Variants in FOXN3 observed in about 807,000 individuals in gnomAD.
The protein encoded by FOXN3 is forkhead box protein N3.
In FOXN3, 7 loss-of-function variants were observed where a neutral mutation model predicts 38.4. That is an observed-to-expected ratio of 0.18 (90% CI 0.10 to 0.34). FOXN3 has a LOEUF of 0.34. FOXN3 is among the 10% of genes least tolerant of loss of function. FOXN3 has a pLI of 1.00. For missense variants in FOXN3, 456 were observed against 613.4 expected (o/e 0.74, Z 2.71); for synonymous variants, 230 against 242.2 (o/e 0.95, Z 0.47).
intron 4 of FOXN3, among the ~76,000 whole-genome samples, chr14:89,256,098 A>G (rs930374773): frequency 6.6e-6 from 1 of 152,198 alleles, no homozygotes; most frequent in African/African-American, 2.4e-5. Context: ...CCAGCGGGTC[A>G]GAATGAGTGT....
At chr14:89,542,597 CT>C (rs1894812851) in intron 1 of FOXN3, among the ~76,000 whole-genome samples, 1 of 152,328 alleles carries the variant, frequency 6.6e-6, no homozygotes, top group East Asian at 1.9e-4. Flanking sequence ...CTTTCTGCAT[CT>C]TTTCTACATT....
intron 4 of FOXN3, among the ~76,000 whole-genome samples, chr14:89,274,603 T>C (rs1227033015): frequency 2.0e-5 from 3 of 152,182 alleles, no homozygotes; most frequent in Non-Finnish European, 4.4e-5. Flanking sequence ...GTCAGAGAGC[T>C]GGTGCCCAGA....
At chr14:89,254,900 C>A (rs56178354) in intron 4 of FOXN3, among the ~76,000 whole-genome samples, 29,615 of 152,178 alleles carry the variant, frequency 0.19, 2,918 homozygotes, top group East Asian at 0.31. Context: ...TCCACTCCCC[C>A]ACTAACGACG....
chr14:89,292,110 G>A (rs139182908), intron 3 of FOXN3, among the ~76,000 whole-genome samples: 2,883 of 152,034 alleles, frequency 0.019, 39 homozygotes, highest in Non-Finnish European at 0.025. Flanking sequence ...TTCCACCTCC[G>A]TTCGCTGGCT....
At chr14:89,312,818 G>C (rs2139961880) in intron 3 of FOXN3, among the ~76,000 whole-genome samples, 1 of 152,290 alleles carries the variant, frequency 6.6e-6, no homozygotes, top group Non-Finnish European at 1.5e-5. Context: ...CAGGACCACA[G>C]AGGTTATGAG....
intron 5 of FOXN3, among the ~76,000 whole-genome samples, chr14:89,177,393 T>C (rs1887550093): frequency 6.6e-6 from 1 of 152,240 alleles, no homozygotes; most frequent in South Asian, 2.1e-4. Flanking sequence ...AAAATGATTT[T>C]GTTCAAAACT....
At position 89,275,068 on chromosome 14, in the gene FOXN3, C is replaced by T. The variant is rs563421204; in HGVS notation, c.745+5882G>A. ...GACTAATGTGAATCCACCAAATCCT[C>T]ACCAGGACTCCAGGAGACAAGCATT... is the stretch of plus-strand genomic sequence containing the variant. On this transcript the variant is annotated intron_variant, in intron 4 of 5. Coordinates refer to ENST00000557258, the MANE Select transcript of FOXN3 (RefSeq NM_005197.4). 7.2e-5 allele frequency among the ~76,000 whole-genome samples: 11 copies of T among 152,302 alleles called. No homozygotes were observed. The East Asian group carries it at 2.1e-3, about 29-fold the overall frequency.
chr14:89,585,688 C>A (rs1895826707), intron 1 of FOXN3, among the ~76,000 whole-genome samples: 1 of 145,990 alleles, frequency 6.8e-6, no homozygotes, highest in African/African-American at 2.5e-5. Context: ...GTGGTATTTA[C>A]AACTAACTGA....
intron 3 of FOXN3, among the ~76,000 whole-genome samples, chr14:89,292,259 T>C (rs986906714): frequency 8.5e-5 from 13 of 152,158 alleles, no homozygotes; most frequent in African/African-American, 2.9e-4. Flanking sequence ...TGATGATTTC[T>C]TATCTTAGCC....
chr14:89,278,284 A>G (rs1024616885), intron 4 of FOXN3, among the ~76,000 whole-genome samples: 6 of 152,200 alleles, frequency 3.9e-5, no homozygotes, highest in Admixed American at 6.5e-5. Flanking sequence ...AGATCTCGTG[A>G]GACTTATGCA....
intron 3 of FOXN3, among the ~76,000 whole-genome samples, chr14:89,313,629 G>A (rs1218102167): frequency 6.6e-6 from 1 of 151,928 alleles, no homozygotes; most frequent in African/African-American, 2.4e-5. Context: ...CATGCAGTAT[G>A]AGCTCAGGCA....
At position 89,226,800 on chromosome 14, in the gene FOXN3, C is replaced by T. The variant is rs914625173; in HGVS notation, c.746-45994G>A. ...TCCTTATGAAAAAGGGAGATTTGGA[C>T]GCAGACAGAAACACGAGGAAAACAC... On this transcript the variant is annotated intron_variant, in intron 4 of 5. Transcript: ENST00000557258. 6.6e-5 allele frequency among the ~76,000 whole-genome samples: 10 copies of T among 152,214 alleles called. No homozygotes were observed. In the East Asian group the frequency reaches 9.7e-4, roughly 15 times the overall value.
At chr14:89,393,651 C>G (rs1292262588) in intron 2 of FOXN3, among the ~76,000 whole-genome samples, 1 of 152,244 alleles carries the variant, frequency 6.6e-6, no homozygotes, top group Non-Finnish European at 1.5e-5. Flanking sequence ...ACGCCACACA[C>G]TTCACACAGA....
intron 1 of FOXN3, among the ~76,000 whole-genome samples, chr14:89,584,442 T>C (rs1895806298): frequency 6.6e-6 from 1 of 152,140 alleles, no homozygotes; most frequent in Non-Finnish European, 1.5e-5. Flanking sequence ...TCAGGTATTC[T>C]GTTATAGCAG....
intron 4 of FOXN3, among the ~76,000 whole-genome samples, chr14:89,200,165 T>C (rs1224191581): frequency 6.6e-6 from 1 of 152,186 alleles, no homozygotes; most frequent in Non-Finnish European, 1.5e-5. Flanking sequence ...AGGCTCCCAT[T>C]CACACATTTC....
intron 3 of FOXN3, among the ~76,000 whole-genome samples, chr14:89,328,641 A>G (rs1335151845): frequency 6.6e-6 from 1 of 152,242 alleles, no homozygotes. Flanking sequence ...AGACATTCCC[A>G]CCAGCAGCAC....
intron 3 of FOXN3, among the ~76,000 whole-genome samples, chr14:89,343,631 T>TA (rs1412963404): frequency 6.7e-6 from 1 of 150,086 alleles, no homozygotes; most frequent in African/African-American, 2.4e-5. Flanking sequence ...TGTGTGGTTT[T>TA]TTTTTTTTTT....
chr14:89,292,546 C>T (rs1313777849), intron 3 of FOXN3, among the ~76,000 whole-genome samples: 12 of 152,172 alleles, frequency 7.9e-5, no homozygotes, highest in South Asian at 2.1e-4. Context: ...TCCTCATGAA[C>T]GGGATTAGAT....
intron 3 of FOXN3, among the ~76,000 whole-genome samples, chr14:89,327,396 A>G (rs577396841): frequency 6.6e-6 from 1 of 152,362 alleles, no homozygotes; most frequent in African/African-American, 2.4e-5. Context: ...TGGTGCTTAC[A>G]GAATTTAAAA....
Sources: allele counts gnomAD v4.1 joint callset (sites outside exome capture counted in the v4.1 genomes callset), GRCh38; gene constraint gnomAD v4.1.1; transcripts MANE v1.5; gene names NCBI Gene and HGNC (gene_info 2026-07-23, HGNC 2026-07-21).